Variants in SEL1L2 observed in about 807,000 individuals in gnomAD.
SEL1L2 encodes protein sel-1 homolog 2.
SEL1L2 carries 89 observed loss-of-function variants against 98.8 expected under a neutral mutation model. The observed-to-expected ratio is 0.90, with a 90% confidence interval of 0.76 to 1.07. SEL1L2 has a LOEUF of 1.07. Among genes scored for constraint, SEL1L2 ranks in the 50% least tolerant of loss-of-function variants. SEL1L2 has a pLI of 0.00. For missense variants in SEL1L2, 788 were observed against 812.0 expected, an observed-to-expected ratio of 0.97 and a Z score of 0.36; for synonymous variants, 262 against 278.5, an observed-to-expected ratio of 0.94 and a Z score of 0.59.
Position 13,863,694 on chromosome 20 carries a change from G to A in SEL1L2, c.1645+1473C>T, listed in dbSNP as rs79618169. Among the ~76,000 whole-genome samples the A allele has an allele frequency of 3.9e-4, 59 of 152,232 alleles. 1 individual carries two copies. The East Asian group carries it at 9.1e-3, about 23-fold the overall frequency. On this transcript the variant is annotated intron_variant, in intron 17 of 19. Transcript: ENST00000284951. ...TTTAATATCAATGTACTAGCTGGGC[G>A]ATGGTATAGGCTGATGCCTGTAATC...
chr20:13,857,523 C>T (rs1989357199), intron 18 of SEL1L2, among the ~76,000 whole-genome samples: 1 of 152,212 alleles, frequency 6.6e-6, no homozygotes, highest in South Asian at 2.1e-4. Flanking sequence ...GGCTCTGTGT[C>T]CTGAGAGGAC....
intron 2 of SEL1L2, among the ~76,000 whole-genome samples, chr20:13,943,673 A>G (rs1390268286): frequency 1.3e-5 from 2 of 152,204 alleles, no homozygotes; most frequent in Admixed American, 1.3e-4. Flanking sequence ...TATACAAAAA[A>G]GTAAAGAGTT....
intron 1 of SEL1L2, among the ~76,000 whole-genome samples, chr20:13,972,926 G>A (rs932733122): frequency 7.2e-5 from 11 of 152,168 alleles, no homozygotes; most frequent in African/African-American, 2.6e-4. Flanking sequence ...GAAAATTTGA[G>A]TCTTTTTTCA....
intron 17 of SEL1L2, among the ~76,000 whole-genome samples, chr20:13,861,155 C>T (rs1175190501): frequency 3.7e-4 from 57 of 152,054 alleles, no homozygotes; most frequent in Non-Finnish European, 1.5e-4. Flanking sequence ...ACACAACAGC[C>T]AGGATGATCT....
chr20:13,885,106 C>G (rs901472527), intron 10 of SEL1L2, among the ~76,000 whole-genome samples: 1 of 152,090 alleles, frequency 6.6e-6, no homozygotes, highest in Admixed American at 6.5e-5. Context: ...TGGATACCCC[C>G]CTGCCTCGAT....
intron 5 of SEL1L2, among the ~76,000 whole-genome samples, chr20:13,901,872 A>G (rs971102709): frequency 7.2e-5 from 11 of 152,032 alleles, no homozygotes; most frequent in Non-Finnish European, 1.6e-4. Context: ...CATGTTGGCC[A>G]GGCTGGTCTC....
At chr20:13,864,978 G>A (rs1717857449) in intron 17 of SEL1L2, among the ~76,000 whole-genome samples, 189 bp downstream of exon 17, 1 of 152,108 alleles carries the variant, frequency 6.6e-6, no homozygotes, top group African/African-American at 2.4e-5. Flanking sequence ...TGATAATAAT[G>A]GGGAAAATAA....
intron 2 of SEL1L2, among the ~76,000 whole-genome samples, chr20:13,932,427 TTATTATTA>T (rs1370692954): frequency 6.7e-6 from 1 of 149,168 alleles, no homozygotes; most frequent in East Asian, 2.0e-4. Flanking sequence ...ATTATTATTA[TTATTATTA>T]TTATTATTAT....
chr20:13,939,065 A>C (rs2049619742), intron 2 of SEL1L2, among the ~76,000 whole-genome samples: 1 of 57,276 alleles, frequency 1.7e-5, no homozygotes, highest in Non-Finnish European at 3.4e-5. Flanking sequence ...TTTTTCTGAG[A>C]TGGAGTCTCG....
rs2052107598 is a variant in SEL1L2 at position 13,985,295 on chromosome 20, A to T, written c.58+5182T>A. ...CAGCCTCATAAGTTGCTTCTTACAT[A>T]CTACACCACAGCAAACTGATACACT... is the stretch of plus-strand genomic sequence containing the variant. On this transcript the variant is annotated intron_variant, in intron 1 of 19. Transcript: ENST00000284951. 1.3e-5 allele frequency among the ~76,000 whole-genome samples: 2 copies of T among 152,140 alleles called. 1 individual carries two copies. The highest frequency in any genetic ancestry group is 4.1e-4 in the South Asian group (2 of 4,824).
At chr20:13,932,165 A>G (rs964886271) in intron 2 of SEL1L2, among the ~76,000 whole-genome samples, 2 of 152,184 alleles carry the variant, frequency 1.3e-5, no homozygotes, top group African/African-American at 4.8e-5. Context: ...ATGGGTGGAA[A>G]GTACAGAAAA....
chr20:13,870,922 C>CAA (rs534578783), intron 12 of SEL1L2, among the ~76,000 whole-genome samples: 394 of 52,080 alleles, frequency 7.6e-3, no homozygotes, highest in East Asian at 0.024. Context: ...AACTCCATCT[C>CAA]AAAAAAAAAA....
At chr20:13,982,829 T>A (rs374273835) in intron 1 of SEL1L2, among the ~76,000 whole-genome samples, 2 of 150,824 alleles carry the variant, frequency 1.3e-5, no homozygotes, top group South Asian at 2.1e-4. Context: ...ACTGAGACCA[T>A]CCTGGCCAAC....
At chr20:13,914,152 A>G in intron 4 of SEL1L2, among the ~76,000 whole-genome samples, 1 of 152,170 alleles carries the variant, frequency 6.6e-6, no homozygotes. Flanking sequence ...CACAAATAAT[A>G]ATGCTACTAA....
In SEL1L2 at chr20:13,866,686, C is replaced by T. The variant is rs755504010; in HGVS notation, c.1404+16G>A. ...ATATGACAAGTGCTTTAAAAACAGC[C>T]GCATATTATATTTACCTCCACAGCA... On this transcript the variant is annotated intron_variant, in intron 15 of 19. Transcript: ENST00000284951. 34 of 1,527,922 alleles carry T rather than the reference C, an allele frequency of 2.2e-5. No individual in the cohort carries two copies. The highest frequency in any genetic ancestry group is 1.1e-4 in the Admixed American group (5 of 45,460). 94.6% of individuals were successfully genotyped at this position (1,527,922 alleles called of 1,614,324 possible). A position where few individuals can be genotyped will look rare whatever the true frequency, so the allele number is the denominator to read the frequency against.
chr20:13,954,616 A>G (rs1015706894), intron 2 of SEL1L2, among the ~76,000 whole-genome samples: 3 of 152,090 alleles, frequency 2.0e-5, no homozygotes, highest in Admixed American at 2.0e-4. Flanking sequence ...CTTTTGTCCC[A>G]GGCTTTACAA....
chr20:13,899,608 T>C (rs771647632), intron 5 of SEL1L2, among the ~76,000 whole-genome samples: 1 of 152,102 alleles, frequency 6.6e-6, no homozygotes, highest in Non-Finnish European at 1.5e-5. Flanking sequence ...CCCTTTTTTT[T>C]ATAAGGGCAC....
At chr20:13,901,316 C>T (rs1220090531) in intron 5 of SEL1L2, among the ~76,000 whole-genome samples, 2 of 151,944 alleles carry the variant, frequency 1.3e-5, no homozygotes, top group South Asian at 2.1e-4. Flanking sequence ...GTGATCTGCC[C>T]GCCTCAGCCT....
At chr20:13,892,859 A>C (rs1423377925) in intron 5 of SEL1L2, among the ~76,000 whole-genome samples, 1 of 152,240 alleles carries the variant, frequency 6.6e-6, no homozygotes, top group African/African-American at 2.4e-5. Context: ...GTGTCAAATT[A>C]TGCCCCTGCT....
Sources: gnomAD v4.1 joint callset for allele counts (sites outside exome capture counted in the v4.1 genomes callset) on GRCh38, gnomAD v4.1.1 for gene constraint, MANE v1.5 for transcripts, NCBI Gene and HGNC (gene_info 2026-07-23, HGNC 2026-07-21) for gene names.